KIAA0825: variants seen among roughly 807,000 people sequenced by gnomAD.
KIAA0825 encodes the protein uncharacterized protein KIAA0825.
Under a neutral mutation model 147.6 loss-of-function variants are expected in KIAA0825, and 119 were observed. The observed-to-expected ratio is 0.81, with a 90% CI of 0.69 to 0.94. The LOEUF (loss-of-function observed/expected upper bound fraction) is 0.94, where lower values mean the gene tolerates loss of function less well. Among genes scored for constraint, KIAA0825 ranks in the 40% least tolerant of loss-of-function variants. The pLI, the probability that KIAA0825 is intolerant of heterozygous loss-of-function variation, is 0.00. For missense variants in KIAA0825, 1,381 were observed against 1,472.7 expected, an observed-to-expected ratio of 0.94 and a Z score of 1.02; for synonymous variants, 470 against 518.1, an observed-to-expected ratio of 0.91 and a Z score of 1.26.
Position 94,391,622 on chromosome 5 carries a change from T to G in KIAA0825, c.3369A>C (p.Lys1123Asn), listed in dbSNP as rs1358051922. 1 of 1,551,512 alleles carries G rather than the reference T, an allele frequency of 6.4e-7. No individual in the cohort carries two copies. The highest frequency in any genetic ancestry group is 8.7e-7 in the Non-Finnish European group (1 of 1,146,964). ...GDVALELTEQ[K>N]INTMVLDLCH... is the part of the protein sequence containing the mutation. ...AGAGATCCAGGACCATCGTGTTTAT[T>G]TTCTGCTCAGTCAGTTCAAGAGCAA... Residue 1123 changes from lysine (K) to asparagine (N), a missense_variant, in exon 18 of 21, where the codon AAA becomes AAC. Transcript: ENST00000682413.
At chr5:94,431,376 G>A (rs2150788804) in intron 14 of KIAA0825, among the ~76,000 whole-genome samples, 1 of 152,310 alleles carries the variant, frequency 6.6e-6, no homozygotes, top group Non-Finnish European at 1.5e-5. Context: ...CTTTTTTAAA[G>A]CATGTTCTAT....
chr5:94,206,620 T>A (rs752310555), intron 20 of KIAA0825, among the ~76,000 whole-genome samples: 7 of 152,206 alleles, frequency 4.6e-5, no homozygotes, highest in Non-Finnish European at 1.0e-4. Flanking sequence ...GCTCTTCTAA[T>A]TCTTGTATCA....
intron 20 of KIAA0825, among the ~76,000 whole-genome samples, chr5:94,296,233 A>G (rs1254658006): frequency 3.9e-5 from 6 of 152,102 alleles, no homozygotes; most frequent in African/African-American, 1.4e-4. Flanking sequence ...CTCAAACCTC[A>G]GTAATGGCTG....
At chr5:94,561,807 T>C (rs1054160890) in intron 2 of KIAA0825, among the ~76,000 whole-genome samples, 1 of 152,212 alleles carries the variant, frequency 6.6e-6, no homozygotes, top group Non-Finnish European at 1.5e-5. Flanking sequence ...AATAGCCTTC[T>C]AGTCATAACT....
At chr5:94,170,985 CAA>C (rs1004160857) in intron 20 of KIAA0825, among the ~76,000 whole-genome samples, 5 of 152,146 alleles carry the variant, frequency 3.3e-5, no homozygotes, top group Non-Finnish European at 7.4e-5. Flanking sequence ...TTAAATTACA[CAA>C]AAAGAGTGGC....
intron 7 of KIAA0825, among the ~76,000 whole-genome samples, chr5:94,476,168 C>G (rs1761871949): frequency 6.6e-6 from 1 of 152,090 alleles, no homozygotes; most frequent in Middle Eastern, 3.2e-3. Context: ...GTTGTTTTGT[C>G]TCTTTAAATA....
chr5:94,519,714 A>C, intron 5 of KIAA0825: 6 of 769,500 alleles, frequency 7.8e-6, no homozygotes, highest in Non-Finnish European at 9.5e-6. Flanking sequence ...TACAACTTTT[A>C]AATATCCAAT....
At chr5:94,350,423 C>T (rs1783525435) in intron 20 of KIAA0825, among the ~76,000 whole-genome samples, 1 of 152,148 alleles carries the variant, frequency 6.6e-6, no homozygotes, top group South Asian at 2.1e-4. Context: ...CTCCCTGATT[C>T]ATTCTATGAA....
chr5:94,242,550 T>TTTCC (rs1275793688), intron 20 of KIAA0825, among the ~76,000 whole-genome samples: 4 of 152,136 alleles, frequency 2.6e-5, no homozygotes, highest in East Asian at 1.9e-4. Flanking sequence ...TATATTTTTC[T>TTTCC]TTCCTTCCTT....
At chr5:94,510,689 T>C (rs370323312) in intron 5 of KIAA0825, among the ~76,000 whole-genome samples, 293 of 152,324 alleles carry the variant, frequency 1.9e-3, no homozygotes, top group Non-Finnish European at 3.4e-3. Context: ...TTAAAAATGA[T>C]AGAAGCAAAA....
intron 14 of KIAA0825, among the ~76,000 whole-genome samples, chr5:94,428,144 TG>T (rs1019070314): frequency 0.035 from 56 of 1,590 alleles, no homozygotes; most frequent in Non-Finnish European, 0.091. Context: ...AAGGTCTTGT[TG>T]TGTGTGTGTG....
chr5:94,491,089 A>G (rs1051042895), intron 5 of KIAA0825, among the ~76,000 whole-genome samples: 9 of 152,074 alleles, frequency 5.9e-5, no homozygotes, highest in African/African-American at 1.9e-4. Context: ...CTGGAGCTGG[A>G]GGATCAGTAT....
At chr5:94,615,402 C>T (rs546911276) in intron 1 of KIAA0825, 1 of 152,288 alleles carries the variant, frequency 6.6e-6, no homozygotes, top group East Asian at 1.9e-4. Context: ...TGGAGGCTAG[C>T]AAAGTGGTTA....
intron 1 of KIAA0825, among the ~76,000 whole-genome samples, chr5:94,591,940 G>A (rs1486699389): frequency 2.0e-5 from 3 of 152,098 alleles, no homozygotes; most frequent in Non-Finnish European, 4.4e-5. Flanking sequence ...AGAACAGCAT[G>A]GGAAAGACCC....
chr5:94,569,352 C>T (rs1779404797), intron 2 of KIAA0825: 1 of 368,058 alleles, frequency 2.7e-6, no homozygotes, highest in South Asian at 1.4e-4. Flanking sequence ...ATGATACACC[C>T]AACCACACCA....
chr5:94,604,688 T>A (rs1787161547), intron 1 of KIAA0825, among the ~76,000 whole-genome samples: 1 of 152,178 alleles, frequency 6.6e-6, no homozygotes, highest in Admixed American at 6.5e-5. Context: ...ATCAAAAAGT[T>A]TTTTGAAACT....
intron 10 of KIAA0825, 52 bp from the exon 11 acceptor site, chr5:94,465,111 G>C: frequency 6.7e-7 from 1 of 1,493,550 alleles, no homozygotes; most frequent in African/African-American, 1.4e-5. Flanking sequence ...CTAAAATGTC[G>C]ATTTGCTTCC....
At chr5:94,584,270 G>A (rs985505743) in intron 1 of KIAA0825, among the ~76,000 whole-genome samples, 6 of 152,112 alleles carry the variant, frequency 3.9e-5, no homozygotes, top group East Asian at 1.9e-4. Context: ...CTAACCCATC[G>A]CAAGGAAGCT....
At chr5:94,164,204 C>A (rs777024242) in intron 20 of KIAA0825, among the ~76,000 whole-genome samples, 1 of 151,962 alleles carries the variant, frequency 6.6e-6, no homozygotes, top group Non-Finnish European at 1.5e-5. Context: ...CAAAACAATC[C>A]TAAAGTTTAT....
Sources: allele counts gnomAD v4.1 joint callset (sites outside exome capture counted in the v4.1 genomes callset), GRCh38; gene constraint gnomAD v4.1.1; transcripts MANE v1.5; gene names NCBI Gene and HGNC (gene_info 2026-07-23, HGNC 2026-07-21).